Variants in TSC22D1 observed in about 807,000 individuals in gnomAD.
The protein encoded by TSC22D1 is TSC22 domain family member 1.
TSC22D1 carries 9 observed loss-of-function variants against 74.2 expected under a neutral mutation model. That is an observed-to-expected ratio of 0.12 (90% CI 0.07 to 0.21). TSC22D1 has a LOEUF of 0.21. Ranked by LOEUF, TSC22D1 falls within the 10% of genes least tolerant of loss-of-function variation. The probability of loss-of-function intolerance (pLI) is 1.00; values close to 1 mark genes in which losing one functional copy is unlikely to be tolerated. For missense variants in TSC22D1, 1,427 were observed against 1,304.7 expected (o/e 1.09, Z -1.44); for synonymous variants, 586 against 492.5 (o/e 1.19, Z -2.51).
At chr13:44,451,034 A>G (rs894975938) in intron 1 of TSC22D1, among the ~76,000 whole-genome samples, 1 of 152,214 alleles carries the variant, frequency 6.6e-6, no homozygotes, top group Non-Finnish European at 1.5e-5. Flanking sequence ...TCTACCCAAC[A>G]AGGAGACCAA....
chr13:44,570,960 A>G (rs1010918091), intron 1 of TSC22D1, among the ~76,000 whole-genome samples: 15 of 152,354 alleles, frequency 9.8e-5, no homozygotes, highest in African/African-American at 3.1e-4. Context: ...AAAACACAAT[A>G]AAGAATATAA....
intron 1 of TSC22D1, among the ~76,000 whole-genome samples, chr13:44,444,278 CAAAAAAAA>C (rs71070905): frequency 1.1e-3 from 20 of 17,580 alleles, no homozygotes; most frequent in South Asian, 4.2e-3. Flanking sequence ...GACTCTGTCT[CAAAAAAAA>C]AAAAAAAAAA....
intron 1 of TSC22D1, among the ~76,000 whole-genome samples, chr13:44,523,442 CAAT>C (rs1880407060): frequency 6.6e-6 from 1 of 151,998 alleles, no homozygotes; most frequent in Non-Finnish European, 1.5e-5. Context: ...TAGATATATA[CAAT>C]AATAAGAAAT....
At chr13:44,516,414 T>G (rs917023841) in intron 1 of TSC22D1, 1 of 409,090 alleles carries the variant, frequency 2.4e-6, no homozygotes, top group South Asian at 2.1e-5. Context: ...TCCTGAAGAC[T>G]TGAAATCAAG....
intron 1 of TSC22D1, among the ~76,000 whole-genome samples, chr13:44,461,682 G>C: frequency 6.6e-6 from 1 of 152,186 alleles, no homozygotes. Flanking sequence ...AATAATTACA[G>C]TATGGTGGGA....
At chr13:44,459,986 G>A (rs933021987) in intron 1 of TSC22D1, among the ~76,000 whole-genome samples, 2 of 152,168 alleles carry the variant, frequency 1.3e-5, no homozygotes, top group Non-Finnish European at 2.9e-5. Context: ...AGCCAGCCAG[G>A]CCAAGTGGGT....
chr13:44,480,451 C>T (rs946005924), intron 1 of TSC22D1, among the ~76,000 whole-genome samples: 1 of 151,454 alleles, frequency 6.6e-6, no homozygotes, highest in Non-Finnish European at 1.5e-5. Context: ...AAGAAATAGA[C>T]ATGAATCAAA....
intron 1 of TSC22D1, among the ~76,000 whole-genome samples, chr13:44,513,663 G>C (rs1187386535): frequency 2.6e-5 from 4 of 152,172 alleles, no homozygotes; most frequent in Admixed American, 1.3e-4. Context: ...TTTTCATTCA[G>C]ATTCAGAGTT....
intron 1 of TSC22D1, among the ~76,000 whole-genome samples, chr13:44,450,440 T>C (rs189312162): frequency 2.4e-3 from 369 of 152,336 alleles, no homozygotes; most frequent in Non-Finnish European, 2.5e-3. Flanking sequence ...ATGGGATTTG[T>C]GTTTTGGCAA....
chr13:44,546,778 G>A (rs1190066739), intron 1 of TSC22D1, among the ~76,000 whole-genome samples: 1 of 144,434 alleles, frequency 6.9e-6, no homozygotes, highest in African/African-American at 2.5e-5. Context: ...GTGTGTGTAG[G>A]TATGTATGTA....
chr13:44,438,299 ATATG>A (rs1390698136), intron 1 of TSC22D1, among the ~76,000 whole-genome samples: 1 of 152,232 alleles, frequency 6.6e-6, no homozygotes, highest in Non-Finnish European at 1.5e-5. Context: ...TAGAACATAT[ATATG>A]TAATACACGC....
chr13:44,575,119 G>C lies in TSC22D1; in HGVS notation c.956C>G (p.Thr319Ser). 6.2e-7 allele frequency: 1 copy of C among 1,614,148 alleles called. No individual in the cohort carries two copies. Among genetic ancestry groups the C allele is most frequent in the Non-Finnish European group, 8.5e-7 (1 of 1,180,032 alleles). ...GTSTVNNVNI[T>S]AVGSFNPNVT... is the part of the protein sequence containing the mutation. ...ATTAGGATTAAAACTACCCACAGCAGTAATGTTAACATTATTTACTGTACT... is the reference window on the plus strand; with the variant it reads ...ATTAGGATTAAAACTACCCACAGCACTAATGTTAACATTATTTACTGTACT... The change falls in exon 1 of 3, where the codon ACT (threonine) becomes AGT (serine). Residue 319 changes from threonine (T) to serine (S), a missense_variant. By Grantham distance (58) the Thr-to-Ser change is moderately conservative. This residue lies in a region of TSC22D1 where 1,343 missense variants were observed against 1,191.5 expected (regional missense o/e 1.13). Transcript: ENST00000458659.
At chr13:44,567,605 CA>C (rs201679840) in intron 1 of TSC22D1, among the ~76,000 whole-genome samples, 131 of 147,602 alleles carry the variant, frequency 8.9e-4, no homozygotes, top group Middle Eastern at 3.4e-3. Context: ...TAAAAAGGAG[CA>C]AAAAAAAAGT....
At chr13:44,437,607 A>C (rs1400883010) in intron 1 of TSC22D1, among the ~76,000 whole-genome samples, 2 of 152,184 alleles carry the variant, frequency 1.3e-5, no homozygotes, top group Non-Finnish European at 2.9e-5. Flanking sequence ...TCTTCTCCCT[A>C]GTAACTAAAT....
rs1884162466 is a variant in TSC22D1, at chr13:44,575,565, G to C, written c.510C>G (p.Arg170=). 6.2e-7 allele frequency: 1 copy of C among 1,614,096 alleles called. No individual in the cohort carries two copies. The highest frequency in any genetic ancestry group is 8.5e-7 in the Non-Finnish European group (1 of 1,180,044). ...TATTTAGGGTCTCTTCTGAGGAGCT[G>C]CGTTCGGGCTCCCCTAAGTCAGTAG... ...SRATDLGEPE[R]SSSEETLNNF... The change falls in exon 1 of 3, where the codon CGC becomes CGG. Residue 170 remains arginine (R), a synonymous_variant. Transcript: ENST00000458659.
chr13:44,538,370 A>G (rs1881273489), intron 1 of TSC22D1: 1 of 985,242 alleles, frequency 1.0e-6, no homozygotes, highest in Admixed American at 6.2e-5. Context: ...CAGTTTTCGA[A>G]TAATTAAGAA....
chr13:44,438,935 T>C (rs1471710278), intron 1 of TSC22D1, among the ~76,000 whole-genome samples: 1 of 152,206 alleles, frequency 6.6e-6, no homozygotes, highest in Non-Finnish European at 1.5e-5. Context: ...TAAAGCACCA[T>C]TTAAGCTATA....
rs539102804 is a variant in TSC22D1, at chr13:44,571,817, CCTGA to C, written c.2912+1342_2912+1345del. ...TGGTTAGGTAACAAGGTTTTAATTA[CCTGA>C]CTATTAGAAAAATAATAAAAATCTT... On this transcript the variant is annotated intron_variant, in intron 1 of 2. Coordinates refer to ENST00000458659, the MANE Select transcript of TSC22D1 (RefSeq NM_183422.4). Among the ~76,000 whole-genome samples the C allele has an allele frequency of 2.1e-3, 326 of 152,136 alleles. 2 individuals are homozygous for C. The highest frequency in any genetic ancestry group is 6.2e-3 in the African/African-American group (256 of 41,538).
intron 1 of TSC22D1, chr13:44,436,370 A>G: frequency 4.8e-6 from 6 of 1,254,562 alleles, no homozygotes; most frequent in Non-Finnish European, 6.7e-6. Flanking sequence ...GTTTTTTAAC[A>G]TTTCGAAAAA....
Sources: allele counts gnomAD v4.1 joint callset (sites outside exome capture counted in the v4.1 genomes callset), GRCh38; gene constraint gnomAD v4.1.1; regional missense constraint gnomAD v4.1.1; transcripts MANE v1.5; gene names NCBI Gene and HGNC (gene_info 2026-07-23, HGNC 2026-07-21).